AP3B1: variants seen among roughly 807,000 people sequenced by gnomAD.
AP3B1 encodes the protein adaptor related protein complex 3 subunit beta 1, also known as AP-3 complex subunit beta-1.
In AP3B1, 61 loss-of-function variants were observed where a neutral mutation model predicts 132.5. That is an observed-to-expected ratio of 0.46 (90% confidence interval 0.37 to 0.57). The LOEUF (loss-of-function observed/expected upper bound fraction) is 0.57, where lower values mean the gene tolerates loss of function less well. AP3B1 is among the 20% of genes least tolerant of loss of function. The probability of loss-of-function intolerance (pLI) is 0.00; values close to 1 mark genes in which losing one functional copy is unlikely to be tolerated. For missense variants in AP3B1, 1,120 were observed against 1,289.4 expected, an observed-to-expected ratio of 0.87 and a Z score of 2.01; for synonymous variants, 388 against 438.3, an observed-to-expected ratio of 0.89 and a Z score of 1.43.
intron 19 of AP3B1, among the ~76,000 whole-genome samples, chr5:78,113,470 G>C (rs1751681331): frequency 6.6e-6 from 1 of 152,262 alleles, no homozygotes; most frequent in Non-Finnish European, 1.5e-5. Flanking sequence ...AGGTAATTAA[G>C]TGTTTCATAC....
At chr5:78,163,591 G>A (rs948155864) in intron 12 of AP3B1, among the ~76,000 whole-genome samples, 18 of 145,662 alleles carry the variant, frequency 1.2e-4, no homozygotes, top group South Asian at 4.3e-4. Flanking sequence ...GTGTGTGTGT[G>A]TATATATATA....
At chr5:78,181,844 T>C (rs1006682644) in intron 7 of AP3B1, among the ~76,000 whole-genome samples, 182 bp from the exon 8 acceptor site, 3 of 152,190 alleles carry the variant, frequency 2.0e-5, no homozygotes, top group African/African-American at 7.2e-5. Flanking sequence ...ATTTTTCTCA[T>C]ATTTTATAAC....
At position 78,070,733 on chromosome 5, in the gene AP3B1, A is replaced by C. The variant is rs963063537; in HGVS notation, c.2577+18660T>G. ...TAACAAGAAAAAAACAAAAAAAAAA[A>C]CATTAAAAAGTGGGCAAAGGACATG... On this transcript the variant is annotated intron_variant, in intron 22 of 26. Coordinates refer to ENST00000255194, the MANE Select transcript of AP3B1 (RefSeq NM_003664.5). Among the ~76,000 whole-genome samples, 8 of 151,880 alleles carry C rather than the reference A, an allele frequency of 5.3e-5. No individual in the cohort carries two copies. In the East Asian group the frequency reaches 1.4e-3, roughly 26 times the overall value.
chr5:78,023,439 C>CAAGAAAAGAA (rs58834256), intron 24 of AP3B1, among the ~76,000 whole-genome samples: 6,525 of 148,538 alleles, frequency 0.044, 247 homozygotes, highest in East Asian at 0.17. Context: ...GAGACCCCAT[C>CAAGAAAAGAA]AAGAAAAGAA....
At chr5:78,178,260 C>G (rs557321314) in intron 8 of AP3B1, among the ~76,000 whole-genome samples, 1 of 152,272 alleles carries the variant, frequency 6.6e-6, no homozygotes, top group East Asian at 1.9e-4. Context: ...ACAGCAGTAG[C>G]ATTTAAAATA....
intron 26 of AP3B1, among the ~76,000 whole-genome samples, chr5:78,014,431 T>A (rs1223411925): frequency 6.6e-6 from 1 of 152,158 alleles, no homozygotes; most frequent in African/African-American, 2.4e-5. Flanking sequence ...ACATAAGGAA[T>A]GTAAAGCACA....
At chr5:78,178,245 C>T (rs74751374) in intron 8 of AP3B1, among the ~76,000 whole-genome samples, 5,978 of 152,276 alleles carry the variant, frequency 0.039, 188 homozygotes, top group East Asian at 0.13. Context: ...AAAACAAATA[C>T]ATCTACAGCA....
intron 22 of AP3B1, among the ~76,000 whole-genome samples, chr5:78,052,857 GAT>G (rs2112127583): frequency 6.6e-6 from 1 of 152,208 alleles, no homozygotes; most frequent in African/African-American, 2.4e-5. Flanking sequence ...CATGAATACT[GAT>G]ATGTTATACT....
intron 22 of AP3B1, chr5:78,042,937 A>T (rs148117447): frequency 1.6e-5 from 3 of 189,000 alleles, no homozygotes; most frequent in Non-Finnish European, 3.5e-5. Flanking sequence ...CTCTTGTAGA[A>T]TTCTCTATAC....
chr5:78,064,375 T>C (rs924465077), intron 22 of AP3B1, among the ~76,000 whole-genome samples: 3 of 152,198 alleles, frequency 2.0e-5, no homozygotes, highest in African/African-American at 7.2e-5. Flanking sequence ...TCTAATCTTG[T>C]ATTATAAAGG....
chr5:78,256,548 A>C (rs1310674775), intron 2 of AP3B1, among the ~76,000 whole-genome samples: 4 of 152,112 alleles, frequency 2.6e-5, no homozygotes, highest in Non-Finnish European at 5.9e-5. Context: ...ACTGAAGAAA[A>C]GCCCAGGACC....
intron 3 of AP3B1, among the ~76,000 whole-genome samples, chr5:78,232,801 G>A (rs193066153): frequency 6.6e-6 from 1 of 151,974 alleles, no homozygotes; most frequent in East Asian, 1.9e-4. Context: ...CTGCCTCCTG[G>A]GTTCAAATGA....
At chr5:78,019,855 G>A (rs1423511188) in intron 25 of AP3B1, among the ~76,000 whole-genome samples, 2 of 151,978 alleles carry the variant, frequency 1.3e-5, no homozygotes, top group African/African-American at 4.8e-5. Context: ...TGATGGGTAT[G>A]ATTTACTACC....
chr5:78,183,179 A>G (rs1744440921), intron 7 of AP3B1, among the ~76,000 whole-genome samples: 1 of 152,242 alleles, frequency 6.6e-6, no homozygotes, highest in African/African-American at 2.4e-5. Flanking sequence ...ACCTATGGTA[A>G]CAATGAGTAA....
chr5:78,111,449 A>C (rs1194625112), intron 19 of AP3B1, among the ~76,000 whole-genome samples: 1 of 152,128 alleles, frequency 6.6e-6, no homozygotes, highest in Non-Finnish European at 1.5e-5. Context: ...GGATACAGAT[A>C]AGGTTGCAGT....
At chr5:78,045,465 A>G (rs546125647) in intron 22 of AP3B1, among the ~76,000 whole-genome samples, 3 of 152,070 alleles carry the variant, frequency 2.0e-5, no homozygotes, top group South Asian at 4.2e-4. Flanking sequence ...TACAAGTCAT[A>G]TTACGCCAAA....
Position 78,227,513 on chromosome 5 carries a change from C to T in AP3B1, c.395G>A (p.Arg132His). The change falls in exon 5 of 27, where the codon CGT becomes CAT. Residue 132 changes from arginine to histidine, a missense_variant. Physicochemically the swap from Arg to His is conservative, Grantham distance 29. Transcript: ENST00000255194. Reference sequence around the variant, plus strand: ...TGACAGAACTCTCAAAGCGCTTGCACGAATTAGTTGGTTTGGGTCCTAAAA... The same window carrying T: ...TGACAGAACTCTCAAAGCGCTTGCATGAATTAGTTGGTTTGGGTCCTAAAA... Reference protein sequence around the residue: ...RALKDPNQLIRASALRVLSSI... With the variant: ...RALKDPNQLIHASALRVLSSI... 4.3e-6 allele frequency: 7 copies of T among 1,613,606 alleles called. No individual in the cohort carries two copies. The highest frequency in any genetic ancestry group is 5.9e-6 in the Non-Finnish European group (7 of 1,179,716).
At chr5:78,170,389 T>G (rs965774859) in intron 11 of AP3B1, among the ~76,000 whole-genome samples, 1 of 152,110 alleles carries the variant, frequency 6.6e-6, no homozygotes, top group African/African-American at 2.4e-5. Flanking sequence ...TAAAAGTGTT[T>G]CTATTTCTCC....
chr5:78,015,364 A>G (rs1345316300), intron 26 of AP3B1, 46 bp downstream of exon 26: 13 of 1,590,778 alleles, frequency 8.2e-6, no homozygotes, highest in Non-Finnish European at 1.1e-5. Flanking sequence ...ATATTTATAC[A>G]TATTCAAGTC....
Sources: gnomAD v4.1 joint callset for allele counts (sites outside exome capture counted in the v4.1 genomes callset) on GRCh38, gnomAD v4.1.1 for gene constraint, MANE v1.5 for transcripts, NCBI Gene and HGNC (gene_info 2026-07-23, HGNC 2026-07-21) for gene names.